Variants in NPIPB2 observed in about 807,000 individuals in gnomAD.
NPIPB2 encodes nuclear pore complex-interacting protein family member B2.
In NPIPB2, 27 loss-of-function variants were observed where a neutral mutation model predicts 30.8. That is an observed-to-expected ratio of 0.88 (90% CI 0.65 to 1.21). The LOEUF is 1.21. Among genes scored for constraint, NPIPB2 ranks in the 50% most tolerant of loss-of-function variants. The pLI, the probability that NPIPB2 is intolerant of heterozygous loss-of-function variation, is 0.00. For synonymous variants in NPIPB2, 147 were observed against 162.0 expected (o/e 0.91, Z 0.70); for missense variants, 440 against 446.2 (o/e 0.99, Z 0.13).
chr16:11,975,437 G>T (rs552063542), intron 1 of NPIPB2, among the ~76,000 whole-genome samples: 1 of 151,840 alleles, frequency 6.6e-6, no homozygotes, highest in Non-Finnish European at 1.5e-5. Flanking sequence ...GTGAGCCACC[G>T]CGCCCGGCCA....
upstream of NPIPB2, among the ~76,000 whole-genome samples, chr16:11,943,997 CAAAA>C (rs398070768): frequency 6.0e-5 from 3 of 50,348 alleles, 1 homozygote. Context: ...GACTCTGTCT[CAAAA>C]AAAAAAAAAA....
intron 1 of NPIPB2, chr16:11,967,780 A>C (rs2055207509): frequency 6.2e-6 from 10 of 1,614,224 alleles, no homozygotes; most frequent in Non-Finnish European, 5.9e-6. Context: ...AAAACGAATG[A>C]CTATTGCAAG....
At chr16:11,976,337 T>C (rs2055296476) in intron 1 of NPIPB2, among the ~76,000 whole-genome samples, 1 of 152,218 alleles carries the variant, frequency 6.6e-6, no homozygotes, top group African/African-American at 2.4e-5. Context: ...ACTGGGTTCC[T>C]CTCATCATCC....
rs34947493 is a variant in NPIPB2 at position 11,973,162 on chromosome 16, C to CAAA, written c.-584+3403_-584+3405dup. Reference sequence around the variant, plus strand: ...GCCTGGGCAACAAGAGTGAAACTGTCAAAAAAAAAAAAAAAAAAAAAAGAC... The same window carrying CAAA: ...GCCTGGGCAACAAGAGTGAAACTGTCAAAAAAAAAAAAAAAAAAAAAAAAAGAC... On this transcript the variant is annotated intron_variant, in intron 1 of 5. Coordinates refer to the NPIPB2 transcript ENST00000538896. Among the ~76,000 whole-genome samples the CAAA allele has an allele frequency of 6.6e-4, 48 of 73,008 alleles. 1 individual carries two copies. Among genetic ancestry groups the CAAA allele is most frequent in the African/African-American group, 2.0e-3 (46 of 23,154 alleles). The allele number at this position is 73,008 out of a possible 152,430, so 47.9% of individuals were successfully genotyped here.
At chr16:11,933,786 A>G (rs1158375605) in intron 3 of NPIPB2, 39 bp downstream of exon 3, 3 of 1,592,832 alleles carry the variant, frequency 1.9e-6, no homozygotes, top group Non-Finnish European at 2.6e-6. Flanking sequence ...TCCAGGGCAA[A>G]CTCATTTCCA....
intron 1 of NPIPB2, among the ~76,000 whole-genome samples, chr16:11,949,016 C>T (rs1238762291): frequency 1.3e-5 from 2 of 151,532 alleles, no homozygotes; most frequent in Admixed American, 6.6e-5. Context: ...CTGCCGCATG[C>T]CTGTAATCCC....
At chr16:11,945,853 A>G (rs1223697168), upstream of NPIPB2, among the ~76,000 whole-genome samples, 1 of 151,914 alleles carries the variant, frequency 6.6e-6, no homozygotes, top group Non-Finnish European at 1.5e-5. Context: ...CATTATTTAA[A>G]GCATTATTCT....
At chr16:11,956,675 CAAAAGAAAAG>C (rs745400644) in intron 1 of NPIPB2, among the ~76,000 whole-genome samples, 2 of 152,096 alleles carry the variant, frequency 1.3e-5, no homozygotes, top group Non-Finnish European at 2.9e-5. Context: ...GACTCTGTCT[CAAAAGAAAAG>C]AAAAGAAAAG....
chr16:11,975,423 A>T (rs2055277649), intron 1 of NPIPB2, among the ~76,000 whole-genome samples: 1 of 151,772 alleles, frequency 6.6e-6, no homozygotes. Flanking sequence ...CTGGGATTAC[A>T]GGCGTGAGCC....
At chr16:11,944,514 G>A (rs1024223939), upstream of NPIPB2, among the ~76,000 whole-genome samples, 29 of 151,488 alleles carry the variant, frequency 1.9e-4, no homozygotes, top group Non-Finnish European at 3.7e-4. Flanking sequence ...TGTAATCCCA[G>A]CACTTTGGGA....
chr16:11,944,380 T>G (rs1479046374), upstream of NPIPB2, among the ~76,000 whole-genome samples: 1 of 151,828 alleles, frequency 6.6e-6, no homozygotes, highest in East Asian at 2.0e-4. Context: ...GTTGCCAGGC[T>G]GGTCTCAAAC....
chr16:11,972,847 A>G (rs1236053838), intron 1 of NPIPB2, among the ~76,000 whole-genome samples: 2 of 146,876 alleles, frequency 1.4e-5, no homozygotes, highest in East Asian at 2.0e-4. Context: ...CTGGCAACAG[A>G]GCGAGATTCG....
chr16:11,936,814 G>C (rs1311898888), intron 2 of NPIPB2, among the ~76,000 whole-genome samples: 1 of 144,384 alleles, frequency 6.9e-6, no homozygotes, highest in Non-Finnish European at 1.5e-5. Flanking sequence ...GATTCTCTTG[G>C]AGGGCAGTTC....
intron 1 of NPIPB2, among the ~76,000 whole-genome samples, chr16:11,947,230 T>G (rs2150923961): frequency 6.8e-6 from 1 of 146,744 alleles, no homozygotes; most frequent in East Asian, 2.0e-4. Context: ...CTGGAAGGTG[T>G]GAGCCACCAT....
chr16:11,931,781 A>T (rs970363473), intron 4 of NPIPB2, among the ~76,000 whole-genome samples: 28 of 150,568 alleles, frequency 1.9e-4, no homozygotes, highest in African/African-American at 6.6e-4. Flanking sequence ...CACCAAACAG[A>T]ATATAAAACC....
intron 1 of NPIPB2, among the ~76,000 whole-genome samples, chr16:11,957,830 T>C (rs2055123628): frequency 6.6e-6 from 1 of 152,200 alleles, no homozygotes; most frequent in African/African-American, 2.4e-5. Flanking sequence ...TCTGCTGGCC[T>C]GCCCTGCGGA....
rs1596506613 is a variant in NPIPB2 at position 11,965,222 on chromosome 16, A to G, written c.-584+11346T>C. 2.9e-5 allele frequency: 43 copies of G among 1,500,168 alleles called. No individual in the cohort carries two copies. The East Asian group carries it at 9.8e-4, about 34-fold the overall frequency. 92.9% of individuals were successfully genotyped at this position (1,500,168 alleles called of 1,614,324 possible). On this transcript the variant is annotated intron_variant, in intron 1 of 5. Coordinates refer to the NPIPB2 transcript ENST00000538896. ...GCAGGCGAAGTTCATTGTTCTCAAC[A>G]TTCTAGCTGCTCTTGCTGCATTTGC...
At chr16:11,934,006 G>T in intron 2 of NPIPB2, 82 bp from the exon 3 acceptor site, 1 of 1,100,792 alleles carries the variant, frequency 9.1e-7, no homozygotes, top group Admixed American at 1.9e-5. Context: ...GCCGAGGCAG[G>T]TGGATCACGG....
chr16:11,933,629 G>A lies in NPIPB2; in HGVS notation c.376C>T (p.Leu126=), dbSNP rs769244587. ...CCTTTTGTTTCCACATGTCTCCGTA[G>A]AGTAATGACGTCTTTCAGGCCAATT... Residue 126 remains leucine, a synonymous_variant, in exon 4 of 8, where the codon CTA becomes TTA. Transcript: ENST00000399147. 5.0e-6 allele frequency: 8 copies of A among 1,596,896 alleles called. No individual in the cohort carries two copies. In the African/African-American group the frequency reaches 6.7e-5, roughly 13 times the overall value.
Sources: allele counts gnomAD v4.1 joint callset (sites outside exome capture counted in the v4.1 genomes callset), GRCh38; gene constraint gnomAD v4.1.1; transcripts MANE v1.5; gene names NCBI Gene and HGNC (gene_info 2026-07-23, HGNC 2026-07-21).